The following SDK1 variants were observed in gnomAD, a reference collection of about 807,000 sequenced individuals.
SDK1 encodes protein sidekick-1.
SDK1 carries 157 observed loss-of-function variants against 245.5 expected under a neutral mutation model. That is an observed-to-expected ratio of 0.64 (90% CI 0.56 to 0.73). The LOEUF (loss-of-function observed/expected upper bound fraction) is 0.73, where lower values mean the gene tolerates loss of function less well. Among genes scored for constraint, SDK1 ranks in the 30% least tolerant of loss-of-function variants. The probability of loss-of-function intolerance (pLI) is 0.00; values close to 1 mark genes in which losing one functional copy is unlikely to be tolerated. For missense variants in SDK1, 3,583 were observed against 3,002.3 expected, an observed-to-expected ratio of 1.19 and a Z score of -4.52; for synonymous variants, 1,647 against 1,278.5, an observed-to-expected ratio of 1.29 and a Z score of -6.15.
At chr7:4,175,862 T>G in intron 34 of SDK1, 28 bp downstream of exon 34, 1 of 1,600,774 alleles carries the variant, frequency 6.2e-7, no homozygotes. Flanking sequence ...GGGAGGCCCA[T>G]GCCGCGAGGC....
At chr7:3,622,090 A>G (rs1781960290) in intron 2 of SDK1, among the ~76,000 whole-genome samples, 2 of 152,306 alleles carry the variant, frequency 1.3e-5, no homozygotes, top group South Asian at 4.1e-4. Context: ...GAGGGTAGGT[A>G]TGTTAAATGC....
chr7:3,964,888 G>A (rs978742606), intron 9 of SDK1, among the ~76,000 whole-genome samples: 11 of 152,074 alleles, frequency 7.2e-5, no homozygotes, highest in African/African-American at 1.9e-4. Context: ...TCTTGCCCTC[G>A]GGTCAAATTT....
At chr7:3,834,135 A>G (rs1779977753) in intron 5 of SDK1, among the ~76,000 whole-genome samples, 1 of 152,100 alleles carries the variant, frequency 6.6e-6, no homozygotes, top group Admixed American at 6.5e-5. Flanking sequence ...TTGAAGTATG[A>G]TTTTCTTTGG....
At chr7:3,439,416 T>C (rs1780128958) in intron 1 of SDK1, among the ~76,000 whole-genome samples, 1 of 152,188 alleles carries the variant, frequency 6.6e-6, no homozygotes, top group Non-Finnish European at 1.5e-5. Flanking sequence ...TACAAGCCTC[T>C]AGAGCACTAG....
At chr7:3,621,847 C>T (rs1458881959) in intron 2 of SDK1, among the ~76,000 whole-genome samples, 3 of 152,116 alleles carry the variant, frequency 2.0e-5, no homozygotes, top group South Asian at 2.1e-4. Flanking sequence ...ATTTGCAAAT[C>T]GTTGAATATA....
At chr7:3,823,681 A>G (rs1384297106) in intron 5 of SDK1, among the ~76,000 whole-genome samples, 2 of 152,140 alleles carry the variant, frequency 1.3e-5, no homozygotes, top group African/African-American at 4.8e-5. Flanking sequence ...CTTTGTATGT[A>G]TTTTTTAACT....
rs200858360 is a variant in SDK1 at position 3,544,381 on chromosome 7, ACAGG to A, written c.299-74695_299-74692del. The stretch of plus-strand genomic sequence containing the variant: ...GCAGCCACAGACCTCTAGCGACCTC[ACAGG>A]CAGCATGGGGCCTGTAGAGGGCACT... On this transcript the variant is annotated intron_variant, in intron 1 of 44. Transcript: ENST00000404826. Among the ~76,000 whole-genome samples the A allele has an allele frequency of 8.6e-3, 1,303 of 152,332 alleles. 22 individuals are homozygous for A. Among genetic ancestry groups the A allele is most frequent in the African/African-American group, 0.029 (1,224 of 41,590 alleles).
intron 5 of SDK1, among the ~76,000 whole-genome samples, chr7:3,941,752 T>C (rs987211699): frequency 1.6e-4 from 24 of 152,178 alleles, no homozygotes; most frequent in African/African-American, 4.3e-4. Context: ...CGAACCTCTT[T>C]GACGAAGTGG....
chr7:3,654,048 C>T (rs1783085912), intron 4 of SDK1, among the ~76,000 whole-genome samples: 1 of 152,166 alleles, frequency 6.6e-6, no homozygotes, highest in Non-Finnish European at 1.5e-5. Flanking sequence ...CTGTGGCTCT[C>T]TGGCTGGCAG....
intron 5 of SDK1, among the ~76,000 whole-genome samples, chr7:3,921,489 T>C (rs529469521): frequency 1.9e-4 from 29 of 152,332 alleles, no homozygotes; most frequent in Non-Finnish European, 3.7e-4. Flanking sequence ...AGAAGTGGAA[T>C]TGTTGTGTTA....
chr7:3,626,259 G>C (rs1404880120), intron 2 of SDK1, among the ~76,000 whole-genome samples: 1 of 152,142 alleles, frequency 6.6e-6, no homozygotes, highest in Non-Finnish European at 1.5e-5. Context: ...TTTTAAAATA[G>C]AGAGTAAGAG....
intron 4 of SDK1, among the ~76,000 whole-genome samples, chr7:3,703,459 T>G (rs1380901852): frequency 6.6e-6 from 1 of 152,130 alleles, no homozygotes; most frequent in Non-Finnish European, 1.5e-5. Context: ...TTGGGATGAA[T>G]GGGAGGATTA....
chr7:3,598,824 G>A (rs559064147), intron 1 of SDK1, among the ~76,000 whole-genome samples: 40 of 152,058 alleles, frequency 2.6e-4, no homozygotes, highest in Admixed American at 2.0e-3. Flanking sequence ...GTAGTAAACC[G>A]TGGTGTGGAC....
intron 2 of SDK1, among the ~76,000 whole-genome samples, chr7:3,633,975 C>T (rs1311714718): frequency 6.6e-6 from 1 of 152,024 alleles, no homozygotes; most frequent in Non-Finnish European, 1.5e-5. Flanking sequence ...GACTAGGGCT[C>T]CACTGTGCCC....
intron 4 of SDK1, among the ~76,000 whole-genome samples, chr7:3,728,818 C>G (rs1779088047): frequency 6.6e-6 from 1 of 152,102 alleles, no homozygotes; most frequent in African/African-American, 2.4e-5. Flanking sequence ...GTTGGTCAGG[C>G]TGGTCTCAAA....
chr7:3,542,174 T>C (rs1779072477), intron 1 of SDK1, among the ~76,000 whole-genome samples: 1 of 152,352 alleles, frequency 6.6e-6, no homozygotes, highest in South Asian at 2.1e-4. Flanking sequence ...GATAGATTTT[T>C]CTAATCTGTA....
Position 3,987,208 on chromosome 7 carries a change from A to G in SDK1, c.2017A>G (p.Asn673Asp). The G allele has an allele frequency of 6.2e-7, 1 of 1,614,080 alleles. No homozygotes were observed. Residue 673 changes from asparagine (N) to aspartate (D), a missense_variant, in exon 14 of 45, where the codon AAC becomes GAC. By Grantham distance (23) the Asn-to-Asp change is conservative. Transcript: ENST00000404826. ...AAGTGAACTGCCTCATTCACCTCAG[A>G]ACCTCCTGGTCAGCCCTAATTCTTC... is the stretch of plus-strand genomic sequence containing the variant. ...EVIELPHSPQNLLVSPNSSHS... is the reference protein window; with the variant it reads ...EVIELPHSPQDLLVSPNSSHS...
At chr7:4,144,885 T>A (rs1210426054) in intron 28 of SDK1, among the ~76,000 whole-genome samples, 1 of 152,066 alleles carries the variant, frequency 6.6e-6, no homozygotes, top group African/African-American at 2.4e-5. Flanking sequence ...GCCCCGTCAT[T>A]TCTGGTTTTA....
intron 2 of SDK1, among the ~76,000 whole-genome samples, chr7:3,628,971 A>G (rs1782202308): frequency 6.6e-6 from 1 of 151,988 alleles, no homozygotes; most frequent in Admixed American, 6.5e-5. Flanking sequence ...CAAGGCAGCT[A>G]GATTTCTTAG....
Sources: allele counts gnomAD v4.1 joint callset (sites outside exome capture counted in the v4.1 genomes callset), GRCh38; gene constraint gnomAD v4.1.1; transcripts MANE v1.5; gene names NCBI Gene and HGNC (gene_info 2026-07-23, HGNC 2026-07-21).